The following CTNNA3 variants were observed in gnomAD, a reference collection of about 807,000 sequenced individuals.
CTNNA3 encodes catenin alpha-3.
CTNNA3 carries 76 observed loss-of-function variants against 95.7 expected under a neutral mutation model. The ratio of observed to expected loss-of-function variants is 0.79; its 90% CI spans 0.66 to 0.96. The LOEUF (loss-of-function observed/expected upper bound fraction) is 0.96, where lower values mean the gene tolerates loss of function less well. Ranked by LOEUF, CTNNA3 falls within the 40% of genes least tolerant of loss-of-function variation. The pLI, the probability that CTNNA3 is intolerant of heterozygous loss-of-function variation, is 0.00. For synonymous variants in CTNNA3, 431 were observed against 374.4 expected, an observed-to-expected ratio of 1.15 and a Z score of -1.74; for missense variants, 1,191 against 1,089.8, an observed-to-expected ratio of 1.09 and a Z score of -1.31.
At chr10:66,172,449 T>G (rs2085482722) in intron 13 of CTNNA3, among the ~76,000 whole-genome samples, 1 of 152,182 alleles carries the variant, frequency 6.6e-6, no homozygotes, top group South Asian at 2.1e-4. Context: ...TGTAATTGTT[T>G]GTTTTTAATT....
At chr10:66,781,354 A>ATTGC (rs1840529266) in intron 7 of CTNNA3, among the ~76,000 whole-genome samples, 1 of 152,182 alleles carries the variant, frequency 6.6e-6, no homozygotes, top group Non-Finnish European at 1.5e-5. Context: ...CTCTAAAGAA[A>ATTGC]TTGCTTGAAA....
intron 12 of CTNNA3, among the ~76,000 whole-genome samples, chr10:66,349,843 A>G (rs1012222792): frequency 1.3e-5 from 2 of 152,084 alleles, no homozygotes. Context: ...AACTAACCAA[A>G]ACAAATATAC....
chr10:66,844,207 G>A (rs1292952781), intron 7 of CTNNA3, among the ~76,000 whole-genome samples: 2 of 152,110 alleles, frequency 1.3e-5, no homozygotes, highest in African/African-American at 2.4e-5. Flanking sequence ...TCTTAAATCC[G>A]AATGACTACT....
chr10:67,699,487 G>A (rs551227323), upstream of CTNNA3, among the ~76,000 whole-genome samples: 8 of 152,294 alleles, frequency 5.3e-5, no homozygotes, highest in East Asian at 1.5e-3. Flanking sequence ...ATAGGATATT[G>A]AGTGGGACTT....
At chr10:66,660,104 G>T (rs973302084) in intron 9 of CTNNA3, among the ~76,000 whole-genome samples, 1 of 152,042 alleles carries the variant, frequency 6.6e-6, no homozygotes, top group Admixed American at 6.6e-5. Flanking sequence ...TTACAAGCAT[G>T]AGCCACTGTG....
In CTNNA3 at chr10:66,911,727, G is replaced by A. The variant is rs185937558; in HGVS notation, c.1048-136203C>T. ...AAAATAATCTCAAAATCCCAATTACGTGAGTCTCTTAAGCCTTTATGTCAC... is the reference window on the plus strand; with the variant it reads ...AAAATAATCTCAAAATCCCAATTACATGAGTCTCTTAAGCCTTTATGTCAC... On this transcript the variant is annotated intron_variant, in intron 7 of 17. Coordinates refer to ENST00000433211, the MANE Select transcript of CTNNA3 (RefSeq NM_013266.4). 5.3e-5 allele frequency among the ~76,000 whole-genome samples: 8 copies of A among 152,208 alleles called. No individual in the cohort carries two copies. In the East Asian group the frequency reaches 1.5e-3, roughly 29 times the overall value.
intron 9 of CTNNA3, among the ~76,000 whole-genome samples, chr10:66,673,886 T>C (rs7098426): frequency 0.55 from 83,920 of 151,762 alleles, 23,931 homozygotes; most frequent in African/African-American, 0.68. Flanking sequence ...TTGATTCTTG[T>C]CTTTGTAAAC....
intron 16 of CTNNA3, among the ~76,000 whole-genome samples, chr10:65,971,026 T>C (rs10822684): frequency 0.2 from 29,474 of 150,852 alleles, 3,549 homozygotes; most frequent in Non-Finnish European, 0.27. Context: ...TCTCAGTATC[T>C]TCATAGCAAT....
At chr10:67,196,690 T>C (rs1222003201) in intron 6 of CTNNA3, among the ~76,000 whole-genome samples, 1 of 152,042 alleles carries the variant, frequency 6.6e-6, no homozygotes, top group Middle Eastern at 3.2e-3. Context: ...ATTCTTTCAG[T>C]TTTTTATCTT....
At chr10:67,330,969 C>T (rs571337905) in intron 5 of CTNNA3, among the ~76,000 whole-genome samples, 23 of 152,254 alleles carry the variant, frequency 1.5e-4, no homozygotes, top group South Asian at 8.3e-4. Flanking sequence ...CTGAAACCAC[C>T]TTTACTTATA....
intron 9 of CTNNA3, among the ~76,000 whole-genome samples, chr10:66,727,776 G>T (rs2394301): frequency 6.6e-6 from 1 of 151,846 alleles, no homozygotes; most frequent in Non-Finnish European, 1.5e-5. Context: ...AATAATTTGT[G>T]AAACCAATAG....
At chr10:67,430,937 C>T (rs907328542) in intron 5 of CTNNA3, among the ~76,000 whole-genome samples, 1 of 151,680 alleles carries the variant, frequency 6.6e-6, no homozygotes, top group Non-Finnish European at 1.5e-5. Flanking sequence ...AAGATATTAT[C>T]TTTAGCAAAG....
At chr10:67,299,351 T>C (rs1840173551) in intron 5 of CTNNA3, among the ~76,000 whole-genome samples, 2 of 152,270 alleles carry the variant, frequency 1.3e-5, no homozygotes, top group African/African-American at 4.8e-5. Context: ...ATTCTCATTA[T>C]ATATTCTGAG....
Position 66,651,854 on chromosome 10 carries a change from C to T in CTNNA3, c.1282-30070G>A, listed in dbSNP as rs1357311751. The stretch of plus-strand genomic sequence containing the variant: ...ACACCTCCCCACAAGGAAAGGGAGC[C>T]GGCTCCTGCCTCGGCCAGCCCAGAG... On this transcript the variant is annotated intron_variant, in intron 9 of 17. Coordinates refer to ENST00000433211, the MANE Select transcript of CTNNA3 (RefSeq NM_013266.4). Among the ~76,000 whole-genome samples the T allele has an allele frequency of 6.8e-5, 10 of 146,780 alleles. 1 individual carries two copies. Among genetic ancestry groups the T allele is most frequent in the East Asian group, 6.3e-4 (3 of 4,754 alleles).
At chr10:66,919,624 CAGA>C (rs1846683826) in intron 7 of CTNNA3, among the ~76,000 whole-genome samples, 1 of 152,106 alleles carries the variant, frequency 6.6e-6, no homozygotes, top group Non-Finnish European at 1.5e-5. Flanking sequence ...TTTTAATGGT[CAGA>C]CCTGGAATAT....
intron 7 of CTNNA3, among the ~76,000 whole-genome samples, chr10:67,034,757 T>C (rs946172897): frequency 2.0e-5 from 3 of 152,200 alleles, no homozygotes; most frequent in African/African-American, 7.2e-5. Flanking sequence ...AGTAAATCTC[T>C]TTCATGTAAT....
chr10:66,240,916 G>T (rs1053927612), intron 13 of CTNNA3, among the ~76,000 whole-genome samples: 1 of 152,020 alleles, frequency 6.6e-6, no homozygotes, highest in Non-Finnish European at 1.5e-5. Context: ...CAAAAGAAAA[G>T]AAACCGTTTA....
At chr10:67,557,233 C>A (rs1841291758) in intron 3 of CTNNA3, among the ~76,000 whole-genome samples, 1 of 152,046 alleles carries the variant, frequency 6.6e-6, no homozygotes, top group African/African-American at 2.4e-5. Flanking sequence ...ACTGTGTCAA[C>A]CATGGAAAAA....
chr10:66,260,256 C>T (rs1045124644), intron 13 of CTNNA3, among the ~76,000 whole-genome samples: 2 of 152,156 alleles, frequency 1.3e-5, no homozygotes, highest in African/African-American at 4.8e-5. Flanking sequence ...CTCTCAGGCT[C>T]ATTCAAATTC....
Sources: gnomAD v4.1 joint callset for allele counts (sites outside exome capture counted in the v4.1 genomes callset) on GRCh38, gnomAD v4.1.1 for gene constraint, MANE v1.5 for transcripts, NCBI Gene and HGNC (gene_info 2026-07-23, HGNC 2026-07-21) for gene names.